The following GPC6 variants were observed in gnomAD, a reference collection of about 807,000 sequenced individuals.
GPC6 encodes glypican-6.
GPC6 carries 14 observed loss-of-function variants against 55.2 expected under a neutral mutation model. The observed-to-expected ratio is 0.25, with a 90% confidence interval of 0.17 to 0.40. The LOEUF is 0.40. Among genes scored for constraint, GPC6 ranks in the 10% least tolerant of loss-of-function variants. The pLI is 1.00. For missense variants in GPC6, 641 were observed against 708.5 expected (o/e 0.90, Z 1.08); for synonymous variants, 278 against 259.6 (o/e 1.07, Z -0.68).
In GPC6 at chr13:93,373,914, T is replaced by C. The variant is rs568823214; in HGVS notation, c.160+146298T>C. ...AAATTATTTTTAGCAGATATTTATC[T>C]AGTACTTTGCAGTTACATTACTGAG... On this transcript the variant is annotated intron_variant, in intron 1 of 8. Coordinates refer to ENST00000377047, the MANE Select transcript of GPC6 (RefSeq NM_005708.5). Among the ~76,000 whole-genome samples the C allele has an allele frequency of 2.0e-5, 3 of 152,354 alleles. No homozygotes were observed. In the East Asian group the frequency reaches 5.8e-4, roughly 29 times the overall value.
chr13:93,276,579 A>G (rs762396957), intron 1 of GPC6, among the ~76,000 whole-genome samples: 31 of 152,062 alleles, frequency 2.0e-4, no homozygotes, highest in Non-Finnish European at 3.8e-4. Context: ...GATGGAAGAC[A>G]TGCAGTCCCG....
chr13:93,292,635 ATG>A (rs1364499572), intron 1 of GPC6, among the ~76,000 whole-genome samples: 2 of 152,176 alleles, frequency 1.3e-5, no homozygotes, highest in Non-Finnish European at 2.9e-5. Context: ...GAGTGTATTG[ATG>A]TGTTTGTAAT....
At chr13:94,339,423 T>C (rs1329653999) in intron 6 of GPC6, among the ~76,000 whole-genome samples, 1 of 152,146 alleles carries the variant, frequency 6.6e-6, no homozygotes, top group Non-Finnish European at 1.5e-5. Flanking sequence ...CATTCATAAG[T>C]TACGCGATGT....
At chr13:93,223,019 C>CTTTTTTTTTT (rs3073915), upstream of GPC6, among the ~76,000 whole-genome samples, 488 of 100,742 alleles carry the variant, frequency 4.8e-3, 33 homozygotes, top group Middle Eastern at 0.013. Flanking sequence ...AGGGAAAACA[C>CTTTTTTTTTT]TTTTTTTTTT....
At chr13:93,618,812 A>G (rs764004109) in intron 2 of GPC6, among the ~76,000 whole-genome samples, 9 of 152,300 alleles carry the variant, frequency 5.9e-5, no homozygotes, top group Non-Finnish European at 1.2e-4. Context: ...GCAACAAACC[A>G]TTAATTATAG....
chr13:93,909,392 AAAG>A (rs1876844454), intron 3 of GPC6, among the ~76,000 whole-genome samples: 1 of 152,218 alleles, frequency 6.6e-6, no homozygotes, highest in Non-Finnish European at 1.5e-5. Context: ...AGAAAAACAT[AAAG>A]AAGAACAAAA....
At position 93,947,890 on chromosome 13, in the gene GPC6, C is replaced by T. The variant is rs79809821; in HGVS notation, c.712-79839C>T. Among the ~76,000 whole-genome samples the T allele has an allele frequency of 2.3e-3, 352 of 152,156 alleles. 7 individuals carry two copies. The East Asian group carries it at 0.066, about 29-fold the overall frequency. On this transcript the variant is annotated intron_variant, in intron 3 of 8. Transcript: ENST00000377047. ...AGAAAATATAGTCTGAGCACGTAAG[C>T]CTCCGTGATAGAAGGGCAGATGCTC...
chr13:94,350,163 C>T (rs9516400), intron 6 of GPC6, among the ~76,000 whole-genome samples: 33,552 of 151,876 alleles, frequency 0.22, 4,654 homozygotes, highest in Middle Eastern at 0.39. Context: ...CAACTTCATA[C>T]AGCCTGATGA....
chr13:94,019,767 A>G (rs549323814), intron 3 of GPC6, among the ~76,000 whole-genome samples: 1 of 152,320 alleles, frequency 6.6e-6, no homozygotes, highest in East Asian at 1.9e-4. Flanking sequence ...CTGGATGGAC[A>G]TGCATTTTGT....
intron 1 of GPC6, among the ~76,000 whole-genome samples, chr13:93,375,075 A>G (rs892959667): frequency 6.6e-6 from 1 of 152,154 alleles, no homozygotes; most frequent in African/African-American, 2.4e-5. Flanking sequence ...CTGTCTTTGA[A>G]ATCCATGTTA....
chr13:93,293,774 A>T (rs1878391460), intron 1 of GPC6, among the ~76,000 whole-genome samples: 1 of 152,134 alleles, frequency 6.6e-6, no homozygotes, highest in Admixed American at 6.6e-5. Context: ...TACACATGTA[A>T]TTAGTACACA....
chr13:93,492,636 C>T (rs561344409), intron 1 of GPC6, among the ~76,000 whole-genome samples: 8 of 150,606 alleles, frequency 5.3e-5, no homozygotes, highest in Non-Finnish European at 7.4e-5. Flanking sequence ...TTTGCCCATT[C>T]GGTATGATAT....
At chr13:93,764,197 G>A (rs1594436940) in intron 2 of GPC6, among the ~76,000 whole-genome samples, 1 of 152,050 alleles carries the variant, frequency 6.6e-6, no homozygotes, top group African/African-American at 2.4e-5. Context: ...TATGTATTTT[G>A]TAAGATTGGA....
intron 4 of GPC6, among the ~76,000 whole-genome samples, chr13:94,060,919 A>G (rs1213949217): frequency 6.6e-6 from 1 of 152,176 alleles, no homozygotes; most frequent in Non-Finnish European, 1.5e-5. Flanking sequence ...CTCACGGAGT[A>G]TTTTTTCATC....
At chr13:93,790,861 G>T (rs959364456) in intron 2 of GPC6, among the ~76,000 whole-genome samples, 1 of 152,076 alleles carries the variant, frequency 6.6e-6, no homozygotes, top group African/African-American at 2.4e-5. Flanking sequence ...ATTAGAGCTC[G>T]GCCTTAAAAG....
chr13:93,632,257 G>A (rs985839402), intron 2 of GPC6, among the ~76,000 whole-genome samples: 2 of 152,142 alleles, frequency 1.3e-5, no homozygotes, highest in Non-Finnish European at 2.9e-5. Flanking sequence ...CATTGGTGCT[G>A]ACAGTGGGTA....
intron 1 of GPC6, among the ~76,000 whole-genome samples, chr13:93,261,925 TACACACACACACACACAC>T (rs34841808): frequency 3.5e-5 from 5 of 144,614 alleles, no homozygotes; most frequent in South Asian, 2.3e-4. Context: ...TCTCTCCCTC[TACACACACACACACACAC>T]ACACACACAC....
At chr13:94,277,088 G>A (rs922080341) in intron 4 of GPC6, among the ~76,000 whole-genome samples, 8 of 152,062 alleles carry the variant, frequency 5.3e-5, no homozygotes, top group African/African-American at 2.4e-5. Context: ...CCACAGCCTC[G>A]CCAGCATCTG....
intron 3 of GPC6, among the ~76,000 whole-genome samples, chr13:93,912,559 C>A (rs563380466): frequency 2.0e-5 from 3 of 151,912 alleles, no homozygotes; most frequent in Non-Finnish European, 4.4e-5. Context: ...CTGGCTAACA[C>A]GGTGAAACCC....
Sources: gnomAD v4.1 joint callset for allele counts (sites outside exome capture counted in the v4.1 genomes callset) on GRCh38, gnomAD v4.1.1 for gene constraint, MANE v1.5 for transcripts, NCBI Gene and HGNC (gene_info 2026-07-23, HGNC 2026-07-21) for gene names.